Variants in HTR2B observed in about 807,000 individuals in gnomAD.
The protein encoded by HTR2B is 5-HT 2B receptor.
A neutral mutation model predicts 39.8 loss-of-function variants in HTR2B; 31 were observed. The ratio of observed to expected loss-of-function variants is 0.78; its 90% CI spans 0.58 to 1.05. The LOEUF is 1.05. Ranked by LOEUF, HTR2B falls within the 50% of genes least tolerant of loss-of-function variation. The pLI is 0.00. For synonymous variants in HTR2B, 210 were observed against 207.1 expected (o/e 1.01, Z -0.12); for missense variants, 562 against 578.0 (o/e 0.97, Z 0.28).
chr2:231,110,399 T>C (rs1369495568), intron 3 of HTR2B, among the ~76,000 whole-genome samples: 4 of 152,362 alleles, frequency 2.6e-5, no homozygotes, highest in Middle Eastern at 3.4e-3. Flanking sequence ...ATGAAGTATT[T>C]AAATATGATG....
Position 231,123,859 on chromosome 2 carries a change from T to C in HTR2B, c.-95A>G, listed in dbSNP as rs1274851382. ...CTGTTTTTTTAAGGCATTGTAACCA[T>C]GCCAAACACTCAAAAGCCAAAGTTG... is the stretch of plus-strand genomic sequence containing the variant. On this transcript the variant is annotated 5_prime_UTR_variant, in exon 2 of 4. The change abolishes an upstream ATG in the 5' untranslated region. Transcript: ENST00000258400. The C allele has an allele frequency of 9.8e-7, 1 of 1,018,746 alleles. No individual in the cohort carries two copies. Among genetic ancestry groups the C allele is most frequent in the African/African-American group, 1.6e-5 (1 of 63,062 alleles). 63.1% of individuals were successfully genotyped at this position (1,018,746 alleles called of 1,614,324 possible).
chr2:231,123,647 G>A lies in HTR2B; in HGVS notation c.118C>T (p.Pro40Ser), dbSNP rs1695632782. The A allele has an allele frequency of 6.2e-7, 1 of 1,613,862 alleles. No individual in the cohort carries two copies. Among genetic ancestry groups the A allele is most frequent in the Non-Finnish European group, 8.5e-7 (1 of 1,179,790 alleles). The change falls in exon 2 of 4, where the codon CCA (proline) becomes TCA (serine). Residue 40 changes from proline (P) to serine (S), a missense_variant. Coordinates refer to ENST00000258400, the MANE Select transcript of HTR2B (RefSeq NM_000867.5). ...NWSGLQTESI[P>S]EEMKQIVEEQ... Reference sequence around the variant, plus strand: ...TCAACAATCTGTTTCATTTCCTCTGGTATTGATTCTGTCTGTAATCCAGAC... The same window carrying A: ...TCAACAATCTGTTTCATTTCCTCTGATATTGATTCTGTCTGTAATCCAGAC...
At position 231,123,453 on chromosome 2, in the gene HTR2B, T is replaced by C; in HGVS notation, c.312A>G (p.Gly104=). The C allele has an allele frequency of 6.2e-7, 1 of 1,613,990 alleles. No individual in the cohort carries two copies. Among genetic ancestry groups the C allele is most frequent in the Non-Finnish European group, 8.5e-7 (1 of 1,179,912 alleles). ...MSLAVADLLV[G]LFVMPIALLT... is the part of the protein sequence containing the mutation. The stretch of plus-strand genomic sequence containing the variant: ...AGAGGGCAATTGGCATCACAAACAA[T>C]CCAACCAGCAAATCAGCCACCGCCA... The change falls in exon 2 of 4, where the codon GGA becomes GGG. Residue 104 remains glycine, a synonymous_variant. Transcript: ENST00000258400.
Position 231,123,880 on chromosome 2 carries a change from A to G in HTR2B, c.-116T>C. On this transcript the variant is annotated 5_prime_UTR_variant, in exon 2 of 4. Transcript: ENST00000258400. ...ACCATGCCAAACACTCAAAAGCCAA[A>G]GTTGACACCTTCCTTTAAAAAAAAA... 1.2e-6 allele frequency: 1 copy of G among 810,862 alleles called. No individual in the cohort carries two copies. The highest frequency in any genetic ancestry group is 1.4e-5 in the South Asian group (1 of 72,062). 50.2% of individuals were successfully genotyped at this position (810,862 alleles called of 1,614,324 possible).
At chr2:231,120,060 T>A (rs1695483570) in intron 2 of HTR2B, among the ~76,000 whole-genome samples, 1 of 150,650 alleles carries the variant, frequency 6.6e-6, no homozygotes, top group South Asian at 2.1e-4. Context: ...CAAGCTATTC[T>A]CCTGCCTCAG....
intron 2 of HTR2B, among the ~76,000 whole-genome samples, chr2:231,119,869 CAAAAAAAA>C (rs78246469): frequency 1.2e-5 from 1 of 80,056 alleles, no homozygotes; most frequent in Non-Finnish European, 2.5e-5. Flanking sequence ...GACTCCGTCT[CAAAAAAAA>C]AAAAAAAAAA....
intron 2 of HTR2B, among the ~76,000 whole-genome samples, chr2:231,119,790 G>T (rs1378524675): frequency 7.1e-6 from 1 of 140,816 alleles, no homozygotes; most frequent in African/African-American, 2.6e-5. Context: ...AGAATCGTTT[G>T]AACCTGTGGG....
Position 231,124,136 on chromosome 2 carries a change from T to C in HTR2B, c.-366-6A>G, listed in dbSNP as rs1263361887. On this transcript the variant is annotated splice_polypyrimidine_tract_variant and splice_region_variant and intron_variant, in intron 1 of 3. Coordinates refer to ENST00000258400, the MANE Select transcript of HTR2B (RefSeq NM_000867.5). ...TGCATGCCAGAGAGTTCCCCCTAGA[T>C]ACAAAATACATAGACTGCATTATTT... 4.1e-6 allele frequency: 1 copy of C among 246,324 alleles called. No homozygotes were observed. Among genetic ancestry groups the C allele is most frequent in the African/African-American group, 2.3e-5 (1 of 44,320 alleles). The allele number at this position is 246,324 out of a possible 1,614,324, so 15.3% of individuals were successfully genotyped here.
intron 2 of HTR2B, among the ~76,000 whole-genome samples, chr2:231,117,208 C>A (rs1016121536): frequency 6.6e-6 from 1 of 151,826 alleles, no homozygotes; most frequent in South Asian, 2.1e-4. Flanking sequence ...TATTTCAAAA[C>A]GTTTATTTTA....
In HTR2B at chr2:231,109,047, A is replaced by G; in HGVS notation, c.916T>C (p.Ser306Pro). 2 of 1,614,214 alleles carry G rather than the reference A, an allele frequency of 1.2e-6. No homozygotes were observed. The highest frequency in any genetic ancestry group is 1.7e-6 in the Non-Finnish European group (2 of 1,180,030). Residue 306 changes from serine to proline, a missense_variant, in exon 4 of 4, where the codon TCC becomes CCC. Coordinates refer to ENST00000258400, the MANE Select transcript of HTR2B (RefSeq NM_000867.5). ...SGDETLMRRTSTIGKKSVQTI... is the reference protein window; with the variant it reads ...SGDETLMRRTPTIGKKSVQTI... The stretch of plus-strand genomic sequence containing the variant: ...TGCACTGACTTTTTCCCAATTGTGG[A>G]TGTTCTTCGCATAAGTGTTTCATCA...
intron 3 of HTR2B, among the ~76,000 whole-genome samples, chr2:231,111,075 T>C (rs1356073066): frequency 6.6e-6 from 1 of 152,210 alleles, no homozygotes; most frequent in African/African-American, 2.4e-5. Flanking sequence ...TTCATCTTCA[T>C]CAATGGCTTC....
intron 3 of HTR2B, among the ~76,000 whole-genome samples, chr2:231,109,761 A>G (rs1301174042): frequency 6.6e-6 from 1 of 152,222 alleles, no homozygotes; most frequent in African/African-American, 2.4e-5. Context: ...AGAGAAATTC[A>G]GAAGAGAACC....
rs1695024848 is a variant in HTR2B, at chr2:231,108,283, T to G, written c.*234A>C. ...TTGACTTTATTTCATTCGAATACCT[T>G]AAAATTTAACCAGAGTGCTGGATTG... On this transcript the variant is annotated 3_prime_UTR_variant, in exon 4 of 4. Transcript: ENST00000258400. The G allele has an allele frequency of 6.9e-6, 3 of 436,270 alleles. No individual in the cohort carries two copies. Among genetic ancestry groups the G allele is most frequent in the South Asian group, 3.6e-5 (1 of 28,126 alleles). 27.0% of individuals were successfully genotyped at this position (436,270 alleles called of 1,614,324 possible).
chr2:231,120,109 G>A (rs371059630), intron 2 of HTR2B, among the ~76,000 whole-genome samples: 1 of 151,810 alleles, frequency 6.6e-6, no homozygotes, highest in South Asian at 2.1e-4. Context: ...GTACCACCAT[G>A]CCCAGCTAAT....
chr2:231,121,412 G>A (rs528695807), intron 2 of HTR2B, among the ~76,000 whole-genome samples: 14 of 152,104 alleles, frequency 9.2e-5, no homozygotes, highest in African/African-American at 3.4e-4. Flanking sequence ...ACATTTGGAA[G>A]AATGAAATAA....
intron 2 of HTR2B, among the ~76,000 whole-genome samples, chr2:231,120,070 G>C (rs1695484063): frequency 6.6e-6 from 1 of 151,098 alleles, no homozygotes; most frequent in South Asian, 2.1e-4. Context: ...TCCTGCCTCA[G>C]TCTCCCGAGT....
intron 3 of HTR2B, among the ~76,000 whole-genome samples, chr2:231,112,538 G>A (rs960527168): frequency 6.6e-6 from 1 of 152,120 alleles, no homozygotes; most frequent in Non-Finnish European, 1.5e-5. Context: ...CTTTCTTGCT[G>A]TTTTTGCCCC....
chr2:231,112,732 A>G (rs146165119), intron 3 of HTR2B, among the ~76,000 whole-genome samples: 284 of 152,330 alleles, frequency 1.9e-3, no homozygotes, highest in African/African-American at 6.3e-3. Context: ...CGCATACTTC[A>G]TGATAAGAAG....
chr2:231,118,169 A>G (rs961189817), intron 2 of HTR2B, among the ~76,000 whole-genome samples: 2 of 150,474 alleles, frequency 1.3e-5, no homozygotes, highest in African/African-American at 2.5e-5. Flanking sequence ...GTTTATATGG[A>G]TGATGATTAA....
Sources: gnomAD v4.1 joint callset for allele counts (sites outside exome capture counted in the v4.1 genomes callset) on GRCh38, gnomAD v4.1.1 for gene constraint, MANE v1.5 for transcripts, NCBI Gene and HGNC (gene_info 2026-07-23, HGNC 2026-07-21) for gene names.